The following SLC44A5 variants were observed in gnomAD, a reference collection of about 807,000 sequenced individuals.
The protein encoded by SLC44A5 is choline transporter-like protein 5.
Under a neutral mutation model 101.8 loss-of-function variants are expected in SLC44A5, and 57 were observed. The observed-to-expected ratio is 0.56, with a 90% CI of 0.45 to 0.70. SLC44A5 has a LOEUF of 0.70. SLC44A5 is among the 30% of genes least tolerant of loss of function. The pLI is 0.00. For synonymous variants in SLC44A5, 281 were observed against 290.9 expected (o/e 0.97, Z 0.35); for missense variants, 737 against 853.1 (o/e 0.86, Z 1.70).
chr1:75,347,486 T>A (rs1216104122), intron 3 of SLC44A5, among the ~76,000 whole-genome samples: 1 of 152,140 alleles, frequency 6.6e-6, no homozygotes, highest in African/African-American at 2.4e-5. Flanking sequence ...ACAGGGTAAT[T>A]GAGCAAAAAT....
At chr1:75,575,432 G>A (rs10489586) in intron 1 of SLC44A5, among the ~76,000 whole-genome samples, 4,695 of 152,246 alleles carry the variant, frequency 0.031, 111 homozygotes, top group Middle Eastern at 0.075. Context: ...CACTACATTT[G>A]TATTGATTTG....
chr1:75,297,871 A>G (rs1249192741), intron 5 of SLC44A5, among the ~76,000 whole-genome samples: 1 of 152,170 alleles, frequency 6.6e-6, no homozygotes, highest in Non-Finnish European at 1.5e-5. Flanking sequence ...TCTCTGTTGC[A>G]CTGAAGTATT....
intron 2 of SLC44A5, among the ~76,000 whole-genome samples, chr1:75,540,296 A>G (rs2101949010): frequency 6.6e-6 from 1 of 152,286 alleles, no homozygotes; most frequent in South Asian, 2.1e-4. Flanking sequence ...TTCTAAAACA[A>G]TCTGCTATAG....
Position 75,202,825 on chromosome 1 carries a change from T to C in SLC44A5, c.*902A>G, listed in dbSNP as rs1646685620. On this transcript the variant is annotated 3_prime_UTR_variant, in exon 24 of 24. Transcript: ENST00000370859. Reference sequence around the variant, plus strand: ...CTATTGTATTTTCAAAGATCTACTATAGAAAACATTTCATTTTAAAACTTC... The same window carrying C: ...CTATTGTATTTTCAAAGATCTACTACAGAAAACATTTCATTTTAAAACTTC... 1 of 151,920 alleles carries C rather than the reference T, an allele frequency of 6.6e-6. No individual in the cohort carries two copies. Among genetic ancestry groups the C allele is most frequent in the African/African-American group, 2.4e-5 (1 of 41,352 alleles). The allele number at this position is 151,920 out of a possible 1,614,324, so 9.4% of individuals were successfully genotyped here. A position where few individuals can be genotyped will look rare whatever the true frequency, so the allele number is the denominator to read the frequency against.
chr1:75,303,687 G>A (rs568485597), intron 4 of SLC44A5, among the ~76,000 whole-genome samples: 38 of 152,236 alleles, frequency 2.5e-4, no homozygotes, highest in African/African-American at 8.9e-4. Context: ...GAACTACCCT[G>A]TCCCCACCCA....
chr1:75,664,118 T>TA, the SLC44A5 span, among the ~76,000 whole-genome samples: 77,112 of 151,812 alleles, frequency 0.51, 20,826 homozygotes, highest in Middle Eastern at 0.64. Flanking sequence ...CCCTTCATGA[T>TA]AAAAAACCTC....
chr1:75,668,912 T>C, the SLC44A5 span, among the ~76,000 whole-genome samples: 1 of 151,200 alleles, frequency 6.6e-6, no homozygotes, highest in Non-Finnish European at 1.5e-5. Flanking sequence ...GGAGAATCAC[T>C]AGAATCCAGG....
At chr1:75,675,096 C>T in the SLC44A5 span, among the ~76,000 whole-genome samples, 1 of 152,142 alleles carries the variant, frequency 6.6e-6, no homozygotes, top group Non-Finnish European at 1.5e-5. Flanking sequence ...GCCACCCAGG[C>T]TCTTTTCTGG....
chr1:75,392,479 T>C (rs1661856001), intron 3 of SLC44A5, among the ~76,000 whole-genome samples: 1 of 145,116 alleles, frequency 6.9e-6, no homozygotes, highest in South Asian at 2.2e-4. Context: ...GTGAGAGTGG[T>C]AATTATAAAA....
At chr1:75,306,848 C>T (rs1220922830) in intron 4 of SLC44A5, among the ~76,000 whole-genome samples, 5 of 147,102 alleles carry the variant, frequency 3.4e-5, no homozygotes, top group Non-Finnish European at 3.0e-5. Flanking sequence ...CATTCTCCTG[C>T]CTCAGCCTCC....
At chr1:75,562,924 A>C (rs1208567506) in intron 1 of SLC44A5, among the ~76,000 whole-genome samples, 1 of 152,118 alleles carries the variant, frequency 6.6e-6, no homozygotes. Flanking sequence ...AAAAACACTG[A>C]CATTTTTACA....
intron 5 of SLC44A5, among the ~76,000 whole-genome samples, chr1:75,295,552 T>C (rs1653899335): frequency 6.6e-6 from 1 of 152,192 alleles, no homozygotes; most frequent in African/African-American, 2.4e-5. Flanking sequence ...GCTGGGGTCC[T>C]AGGCTTAAAA....
At chr1:75,644,632 A>C in the SLC44A5 span, among the ~76,000 whole-genome samples, 7 of 94,298 alleles carry the variant, frequency 7.4e-5, no homozygotes, top group Non-Finnish European at 1.0e-4. Context: ...ATAAGTCTTT[A>C]TATATATATA....
chr1:75,240,207 A>G (rs1557564520), intron 9 of SLC44A5, among the ~76,000 whole-genome samples: 1 of 152,082 alleles, frequency 6.6e-6, no homozygotes, highest in African/African-American at 2.4e-5. Context: ...TACAGTAAAT[A>G]TTTTTTGAGA....
the SLC44A5 span, among the ~76,000 whole-genome samples, chr1:75,651,002 A>G: frequency 1.3e-5 from 2 of 152,278 alleles, no homozygotes; most frequent in East Asian, 3.9e-4. Flanking sequence ...CCACTGATAA[A>G]CCCAAATTTG....
chr1:75,539,165 AAAAAGTCCT>A (rs1455631490), intron 2 of SLC44A5, among the ~76,000 whole-genome samples: 1 of 152,254 alleles, frequency 6.6e-6, no homozygotes, highest in African/African-American at 2.4e-5. Context: ...TACAAGACAT[AAAAAGTCCT>A]AAACTTACCT....
chr1:75,615,484 GGA>G (rs377397836), upstream of SLC44A5, among the ~76,000 whole-genome samples: 5 of 112,174 alleles, frequency 4.5e-5, no homozygotes, highest in African/African-American at 6.9e-5. Context: ...CACACGAGAG[GGA>G]GAGAGAGAGA....
chr1:75,276,221 G>C (rs1054137737), intron 5 of SLC44A5, among the ~76,000 whole-genome samples: 7 of 152,004 alleles, frequency 4.6e-5, no homozygotes, highest in Non-Finnish European at 7.4e-5. Context: ...CATTCGGGTA[G>C]CTCTCAGCTG....
chr1:75,655,613 C>G, the SLC44A5 span, among the ~76,000 whole-genome samples: 11,696 of 152,178 alleles, frequency 0.077, 1,519 homozygotes, highest in African/African-American at 0.27. Context: ...GTGTTGCCAG[C>G]ACTCCCAACT....
Sources: gnomAD v4.1 joint callset for allele counts (sites outside exome capture counted in the v4.1 genomes callset) on GRCh38, gnomAD v4.1.1 for gene constraint, MANE v1.5 for transcripts, NCBI Gene and HGNC (gene_info 2026-07-23, HGNC 2026-07-21) for gene names.